Variants in SPAG16 observed in about 807,000 individuals in gnomAD.
SPAG16 encodes sperm-associated antigen 16 protein.
In SPAG16, 86 loss-of-function variants were observed where a neutral mutation model predicts 80.4. That is an observed-to-expected ratio of 1.07 (90% CI 0.90 to 1.28). The LOEUF (loss-of-function observed/expected upper bound fraction) is 1.28. SPAG16 is among the 50% of genes most tolerant of loss of function. SPAG16 has a pLI of 0.00. For missense variants in SPAG16, 870 were observed against 765.3 expected, an observed-to-expected ratio of 1.14 and a Z score of -1.61; for synonymous variants, 294 against 265.9, an observed-to-expected ratio of 1.11 and a Z score of -1.03.
chr2:214,371,710 T>G (rs1370775858), intron 15 of SPAG16, among the ~76,000 whole-genome samples: 1 of 149,320 alleles, frequency 6.7e-6, no homozygotes, highest in Non-Finnish European at 1.5e-5. Flanking sequence ...AGACTGAGTC[T>G]CACTCAGTCG....
At chr2:213,880,047 A>G in intron 11 of SPAG16, among the ~76,000 whole-genome samples, 1 of 152,282 alleles carries the variant, frequency 6.6e-6, no homozygotes, top group East Asian at 1.9e-4. Context: ...TAAGTTTTTG[A>G]GAAATCTCCA....
At chr2:213,714,719 ACT>A (rs894229310) in intron 10 of SPAG16, among the ~76,000 whole-genome samples, 26 of 152,148 alleles carry the variant, frequency 1.7e-4, no homozygotes, top group Admixed American at 1.4e-3. Flanking sequence ...AATTCATAAC[ACT>A]CTGCATTTCA....
intron 9 of SPAG16, among the ~76,000 whole-genome samples, chr2:213,484,483 T>C (rs954641475): frequency 2.6e-5 from 4 of 152,112 alleles, no homozygotes; most frequent in Non-Finnish European, 4.4e-5. Flanking sequence ...CAGCGGGTAA[T>C]GGGCCATTTG....
chr2:214,102,130 G>A (rs986316073), intron 13 of SPAG16, among the ~76,000 whole-genome samples: 1 of 71,518 alleles, frequency 1.4e-5, no homozygotes. Context: ...TTTTTTTTTT[G>A]CAATTTCATT....
chr2:213,887,911 T>G (rs2076623553), intron 11 of SPAG16, among the ~76,000 whole-genome samples: 1 of 151,894 alleles, frequency 6.6e-6, no homozygotes, highest in Admixed American at 6.6e-5. Flanking sequence ...CGACAGTTAC[T>G]TTTGCACCAA....
chr2:213,829,346 G>A (rs368440572), intron 10 of SPAG16, among the ~76,000 whole-genome samples: 4 of 151,992 alleles, frequency 2.6e-5, no homozygotes, highest in South Asian at 2.1e-4. Flanking sequence ...GTGTCTCATC[G>A]GTAAGCCTGT....
chr2:214,116,633 A>G (rs1052427145), intron 14 of SPAG16, among the ~76,000 whole-genome samples: 1 of 151,990 alleles, frequency 6.6e-6, no homozygotes, highest in Non-Finnish European at 1.5e-5. Context: ...TGGGAAGCAC[A>G]CCTGTGTGGG....
At chr2:214,090,028 AT>A (rs1348570284) in intron 13 of SPAG16, among the ~76,000 whole-genome samples, 1 of 151,980 alleles carries the variant, frequency 6.6e-6, no homozygotes, top group Non-Finnish European at 1.5e-5. Context: ...TAGAGATTCA[AT>A]TTTTTAATGA....
At chr2:213,733,124 T>C (rs1156661823) in intron 10 of SPAG16, among the ~76,000 whole-genome samples, 2 of 152,228 alleles carry the variant, frequency 1.3e-5, no homozygotes, top group African/African-American at 4.8e-5. Flanking sequence ...TCTGTAATGC[T>C]CACTGATGTT....
chr2:214,266,778 G>A (rs1691606506), intron 15 of SPAG16, among the ~76,000 whole-genome samples: 1 of 151,256 alleles, frequency 6.6e-6, no homozygotes, highest in African/African-American at 2.4e-5. Flanking sequence ...AATCGGTAAT[G>A]TTTCTATACA....
chr2:213,966,053 A>G (rs1265721276), intron 12 of SPAG16, among the ~76,000 whole-genome samples: 1 of 152,200 alleles, frequency 6.6e-6, no homozygotes, highest in Non-Finnish European at 1.5e-5. Context: ...ATCTGTTAGC[A>G]TTAGAATAGA....
chr2:214,110,539 A>G (rs1414384302), intron 14 of SPAG16, among the ~76,000 whole-genome samples: 2 of 152,224 alleles, frequency 1.3e-5, no homozygotes, highest in East Asian at 3.9e-4. Flanking sequence ...TCTATGATTG[A>G]TGGACATTTG....
chr2:213,326,684 A>G (rs150258026), intron 5 of SPAG16, among the ~76,000 whole-genome samples: 8 of 152,092 alleles, frequency 5.3e-5, no homozygotes, highest in South Asian at 2.1e-4. Context: ...CTTTGATTCA[A>G]TTTTTTCATG....
chr2:213,640,801 G>C (rs1192630827), intron 10 of SPAG16, among the ~76,000 whole-genome samples: 1 of 152,188 alleles, frequency 6.6e-6, no homozygotes, highest in Non-Finnish European at 1.5e-5. Flanking sequence ...AGTAGAATTA[G>C]CTGTTATTTT....
chr2:214,120,877 T>A (rs181392244), intron 14 of SPAG16, among the ~76,000 whole-genome samples: 239 of 151,986 alleles, frequency 1.6e-3, no homozygotes, highest in African/African-American at 5.2e-3. Context: ...CCCCCAAAGT[T>A]ACCATTAGTC....
chr2:213,679,247 C>T (rs1260016676), intron 10 of SPAG16, among the ~76,000 whole-genome samples: 1 of 152,148 alleles, frequency 6.6e-6, no homozygotes, highest in African/African-American at 2.4e-5. Context: ...ATTGCTTTGA[C>T]TGGAAACCTG....
chr2:213,799,090 G>T (rs1419049447), intron 10 of SPAG16, among the ~76,000 whole-genome samples: 2 of 152,088 alleles, frequency 1.3e-5, no homozygotes, highest in Non-Finnish European at 2.9e-5. Flanking sequence ...GGATCAGCTT[G>T]TAAGTTTTTG....
chr2:213,825,790 T>A (rs1337142719), intron 10 of SPAG16, among the ~76,000 whole-genome samples: 1 of 150,856 alleles, frequency 6.6e-6, no homozygotes, highest in Non-Finnish European at 1.5e-5. Context: ...TCGGAAAAAT[T>A]CCCTCCTCCC....
chr2:213,469,743 C>T (rs377016249), intron 9 of SPAG16, among the ~76,000 whole-genome samples: 2 of 152,054 alleles, frequency 1.3e-5, no homozygotes, highest in East Asian at 1.9e-4. Flanking sequence ...CTATATTCCA[C>T]GTATACTGTT....
Sources: gnomAD v4.1 joint callset for allele counts (sites outside exome capture counted in the v4.1 genomes callset) on GRCh38, gnomAD v4.1.1 for gene constraint, MANE v1.5 for transcripts, NCBI Gene and HGNC (gene_info 2026-07-23, HGNC 2026-07-21) for gene names.